The following PDE8B variants were observed in gnomAD, a reference collection of about 807,000 sequenced individuals.
PDE8B encodes phosphodiesterase 8B.
Under a neutral mutation model 101.3 loss-of-function variants are expected in PDE8B, and 26 were observed. The observed-to-expected ratio is 0.26, with a 90% confidence interval of 0.19 to 0.36. The LOEUF is 0.36. Among genes scored for constraint, PDE8B ranks in the 10% least tolerant of loss-of-function variants. The pLI is 1.00. For synonymous variants in PDE8B, 424 were observed against 429.3 expected, an observed-to-expected ratio of 0.99 and a Z score of 0.15; for missense variants, 810 against 1,163.1, an observed-to-expected ratio of 0.70 and a Z score of 4.42.
chr5:77,383,814 G>T (rs1788008169), intron 10 of PDE8B, among the ~76,000 whole-genome samples: 1 of 152,212 alleles, frequency 6.6e-6, no homozygotes, highest in South Asian at 2.1e-4. Flanking sequence ...TATTTATGAG[G>T]CTTCTGTTCT....
intron 11 of PDE8B, among the ~76,000 whole-genome samples, chr5:77,402,471 TTAA>T (rs972906245): frequency 2.6e-5 from 4 of 152,308 alleles, no homozygotes; most frequent in African/African-American, 9.6e-5. Flanking sequence ...AATTTTTGAT[TTAA>T]TAATTTTTTT....
chr5:77,322,281 A>G (rs1398511352), intron 2 of PDE8B, among the ~76,000 whole-genome samples: 5 of 152,174 alleles, frequency 3.3e-5, no homozygotes, highest in Middle Eastern at 3.2e-3. Flanking sequence ...ATTGTGTGCT[A>G]TCTCTAGGAA....
At chr5:77,215,384 C>A (rs1029144660) in intron 1 of PDE8B, among the ~76,000 whole-genome samples, 8 of 152,200 alleles carry the variant, frequency 5.3e-5, no homozygotes, top group Non-Finnish European at 1.5e-5. Flanking sequence ...AAGCTGATTT[C>A]ATAAAATCCA....
rs575080388 is a variant in PDE8B at position 77,280,789 on chromosome 5, C to T, written c.340-31205C>T. Among the ~76,000 whole-genome samples, 189 of 152,292 alleles carry T rather than the reference C, an allele frequency of 1.2e-3. 2 individuals carry two copies. The highest frequency in any genetic ancestry group is 2.8e-4 in the Non-Finnish European group (19 of 68,026). On this transcript the variant is annotated intron_variant, in intron 1 of 21. Coordinates refer to ENST00000264917, the MANE Select transcript of PDE8B (RefSeq NM_003719.5). ...GCACATGCCTGTAATCCCAGCTACT[C>T]AGGAGGCTGAGGCAGGAGAATCGCT...
intron 1 of PDE8B, among the ~76,000 whole-genome samples, chr5:77,297,555 G>A (rs1245622656): frequency 6.6e-6 from 1 of 152,008 alleles, no homozygotes; most frequent in Non-Finnish European, 1.5e-5. Flanking sequence ...AGAACCACGG[G>A]GATCATTGCA....
At chr5:77,274,362 C>G (rs1205014712) in intron 1 of PDE8B, among the ~76,000 whole-genome samples, 2 of 152,204 alleles carry the variant, frequency 1.3e-5, no homozygotes, top group Non-Finnish European at 2.9e-5. Flanking sequence ...ACAGATCTAT[C>G]TGATTCCAAA....
chr5:77,225,227 T>G (rs1341615499), intron 1 of PDE8B, among the ~76,000 whole-genome samples: 2 of 152,254 alleles, frequency 1.3e-5, no homozygotes, highest in Non-Finnish European at 2.9e-5. Flanking sequence ...AATGCTTGAT[T>G]CTACTCTTCC....
intron 5 of PDE8B, among the ~76,000 whole-genome samples, chr5:77,334,996 T>C: frequency 6.6e-6 from 1 of 152,236 alleles, no homozygotes; most frequent in Non-Finnish European, 1.5e-5. Flanking sequence ...AGAAGTCCCA[T>C]AGTAAAGAAA....
chr5:77,265,072 G>A (rs1761409253), intron 1 of PDE8B, among the ~76,000 whole-genome samples: 4 of 152,280 alleles, frequency 2.6e-5, no homozygotes, highest in Admixed American at 2.6e-4. Flanking sequence ...CACACTGATG[G>A]TGTCCTTGTA....
the PDE8B span, among the ~76,000 whole-genome samples, chr5:77,136,908 C>G: frequency 6.6e-6 from 1 of 152,078 alleles, no homozygotes; most frequent in African/African-American, 2.4e-5. Context: ...TGGGTGAGGA[C>G]TATATGTTTA....
At chr5:77,187,345 A>G in the PDE8B span, among the ~76,000 whole-genome samples, 3 of 152,226 alleles carry the variant, frequency 2.0e-5, no homozygotes, top group Non-Finnish European at 2.9e-5. Flanking sequence ...AGTGCTTTTA[A>G]GGAAGAAAAG....
intron 10 of PDE8B, among the ~76,000 whole-genome samples, chr5:77,392,909 T>C (rs1790238291): frequency 6.6e-6 from 1 of 152,140 alleles, no homozygotes; most frequent in South Asian, 2.1e-4. Flanking sequence ...GAGAGATACT[T>C]AACATTAATA....
chr5:77,186,273 A>G, the PDE8B span, among the ~76,000 whole-genome samples: 5,981 of 152,290 alleles, frequency 0.039, 407 homozygotes, highest in African/African-American at 0.13. Flanking sequence ...GCCTACGCAT[A>G]TTAAAGTCAT....
chr5:77,136,032 C>T, the PDE8B span, among the ~76,000 whole-genome samples: 1 of 152,146 alleles, frequency 6.6e-6, no homozygotes, highest in Admixed American at 6.5e-5. Context: ...CTTTGTCTTT[C>T]AGTTCTGTTT....
chr5:77,146,103 C>T, the PDE8B span: 17 of 152,118 alleles, frequency 1.1e-4, no homozygotes, highest in African/African-American at 2.7e-4. Context: ...AGGAGCAAGA[C>T]GATTTGTCTT....
intron 1 of PDE8B, among the ~76,000 whole-genome samples, chr5:77,230,370 G>A (rs1011207377): frequency 1.3e-5 from 2 of 152,192 alleles, no homozygotes; most frequent in Non-Finnish European, 2.9e-5. Context: ...TCTCACACTG[G>A]CTTTACAGGG....
At chr5:77,234,966 A>G (rs551062942) in intron 1 of PDE8B, among the ~76,000 whole-genome samples, 1 of 152,296 alleles carries the variant, frequency 6.6e-6, no homozygotes, top group South Asian at 2.1e-4. Context: ...ATGCCTTGTC[A>G]TCATCATATT....
At chr5:77,322,864 A>G (rs1039913986) in intron 2 of PDE8B, among the ~76,000 whole-genome samples, 2 of 152,364 alleles carry the variant, frequency 1.3e-5, no homozygotes, top group East Asian at 1.9e-4. Context: ...GTTCATCAAC[A>G]TACCATAAGC....
chr5:77,222,520 G>A (rs1751356093), intron 1 of PDE8B, among the ~76,000 whole-genome samples: 2 of 152,300 alleles, frequency 1.3e-5, no homozygotes, highest in South Asian at 2.1e-4. Context: ...TACTCAGGAG[G>A]CTGAGACAGG....
Sources: gnomAD v4.1 joint callset for allele counts (sites outside exome capture counted in the v4.1 genomes callset) on GRCh38, gnomAD v4.1.1 for gene constraint, MANE v1.5 for transcripts, NCBI Gene and HGNC (gene_info 2026-07-23, HGNC 2026-07-21) for gene names.